C12orf42: variants seen among roughly 807,000 people sequenced by gnomAD.
C12orf42 encodes the protein uncharacterized protein C12orf42.
A neutral mutation model predicts 21.6 loss-of-function variants in C12orf42; 25 were observed. The observed-to-expected ratio is 1.16, with a 90% CI of 0.84 to 1.62. C12orf42 has a LOEUF of 1.62. Ranked by LOEUF, C12orf42 falls within the 40% of genes most tolerant of loss-of-function variation. The probability of loss-of-function intolerance (pLI) is 0.00; values close to 1 mark genes in which losing one functional copy is unlikely to be tolerated. For missense variants in C12orf42, 483 were observed against 459.3 expected, an observed-to-expected ratio of 1.05 and a Z score of -0.47; for synonymous variants, 174 against 175.0, an observed-to-expected ratio of 0.99 and a Z score of 0.05.
the C12orf42 span, among the ~76,000 whole-genome samples, chr12:103,104,855 C>T: frequency 6.6e-6 from 1 of 152,230 alleles, no homozygotes; most frequent in African/African-American, 2.4e-5. Context: ...TGCCCCACCA[C>T]ACAGGGAAGG....
intron 4 of C12orf42, among the ~76,000 whole-genome samples, chr12:103,316,392 A>G (rs1309797920): frequency 6.6e-6 from 1 of 152,152 alleles, no homozygotes. Flanking sequence ...ACTGTTTTAG[A>G]CACACACAAA....
chr12:103,107,944 A>G, the C12orf42 span, among the ~76,000 whole-genome samples: 1 of 151,620 alleles, frequency 6.6e-6, no homozygotes, highest in African/African-American at 2.4e-5. Context: ...TGATATTTTA[A>G]ACAACATAAT....
chr12:103,178,925 G>T, the C12orf42 span, among the ~76,000 whole-genome samples: 6 of 152,162 alleles, frequency 3.9e-5, no homozygotes, highest in African/African-American at 1.4e-4. Context: ...GACTCGCCGA[G>T]TGTTTTGATC....
the C12orf42 span, among the ~76,000 whole-genome samples, chr12:103,135,559 A>T: frequency 6.6e-6 from 1 of 152,202 alleles, no homozygotes; most frequent in Non-Finnish European, 1.5e-5. Context: ...GGAACAAAGG[A>T]GATACAAAAC....
chr12:103,120,815 T>C, the C12orf42 span, among the ~76,000 whole-genome samples: 1 of 150,082 alleles, frequency 6.7e-6, no homozygotes, highest in African/African-American at 2.4e-5. Context: ...ATAACATGTA[T>C]TATATACTAT....
chr12:103,050,523 T>G, the C12orf42 span, among the ~76,000 whole-genome samples: 24 of 152,142 alleles, frequency 1.6e-4, no homozygotes, highest in Middle Eastern at 6.8e-3. Context: ...AATGCAAGAG[T>G]AAATGTTCTT....
chr12:103,378,841 T>TA (rs2045925249), intron 3 of C12orf42: 1 of 151,818 alleles, frequency 6.6e-6, no homozygotes, highest in African/African-American at 2.4e-5. Context: ...AATGTTTAAG[T>TA]GAAAAAGCAA....
At chr12:103,320,350 C>A (rs759685007) in intron 4 of C12orf42, among the ~76,000 whole-genome samples, 1 of 152,200 alleles carries the variant, frequency 6.6e-6, no homozygotes, top group Non-Finnish European at 1.5e-5. Flanking sequence ...TAATTTCCCA[C>A]ACTGAGAAGA....
At chr12:103,282,441 C>T (rs922893663) in intron 4 of C12orf42, among the ~76,000 whole-genome samples, 1 of 152,166 alleles carries the variant, frequency 6.6e-6, no homozygotes, top group African/African-American at 2.4e-5. Flanking sequence ...AGATACAATA[C>T]TTACCGTTGT....
chr12:103,562,087 G>A, the C12orf42 span, among the ~76,000 whole-genome samples: 26 of 152,168 alleles, frequency 1.7e-4, no homozygotes, highest in Non-Finnish European at 2.6e-4. Context: ...GTCAGGGCTG[G>A]CAAAATCAAT....
intron 2 of C12orf42, among the ~76,000 whole-genome samples, chr12:103,408,478 A>C (rs1487996778): frequency 6.6e-6 from 1 of 152,228 alleles, no homozygotes; most frequent in Non-Finnish European, 1.5e-5. Flanking sequence ...CTCTTCAAGG[A>C]AAACAAAATC....
intron 2 of C12orf42, among the ~76,000 whole-genome samples, chr12:103,433,137 G>A (rs777976968): frequency 4.6e-5 from 7 of 152,070 alleles, no homozygotes; most frequent in South Asian, 2.1e-4. Flanking sequence ...ATACATTTGC[G>A]GTTGTGTCCG....
chr12:103,550,822 G>A, the C12orf42 span, among the ~76,000 whole-genome samples: 2 of 152,184 alleles, frequency 1.3e-5, no homozygotes, highest in East Asian at 3.9e-4. Context: ...CTATTAGGAT[G>A]TTGTTGCTTT....
chr12:103,507,443 G>T, the C12orf42 span, among the ~76,000 whole-genome samples: 1 of 144,536 alleles, frequency 6.9e-6, no homozygotes, highest in East Asian at 2.1e-4. Context: ...GCCAAGGCAG[G>T]AGGATGGCTT....
chr12:103,485,315 T>C (rs916719125), intron 1 of C12orf42, among the ~76,000 whole-genome samples: 1 of 152,244 alleles, frequency 6.6e-6, no homozygotes, highest in Non-Finnish European at 1.5e-5. Context: ...GCCGCTGTTC[T>C]GTTCCATTGG....
the C12orf42 span, among the ~76,000 whole-genome samples, chr12:103,064,381 GA>G: frequency 2.0e-5 from 3 of 152,226 alleles, no homozygotes; most frequent in African/African-American, 7.2e-5. Context: ...ATGGACAGCA[GA>G]GGCAAAGCAC....
the C12orf42 span, among the ~76,000 whole-genome samples, chr12:103,106,871 C>A: frequency 6.6e-6 from 1 of 151,826 alleles, no homozygotes; most frequent in African/African-American, 2.4e-5. Context: ...AATATAAAAT[C>A]TTGCTTAGAC....
intron 5 of C12orf42, 70 bp from the exon 6 acceptor site, chr12:103,302,629 G>A (rs2037825660): frequency 1.6e-6 from 2 of 1,286,076 alleles, no homozygotes; most frequent in Non-Finnish European, 2.1e-6. Flanking sequence ...GCACCCCCGC[G>A]ACAACTGGAC....
intron 2 of C12orf42, among the ~76,000 whole-genome samples, chr12:103,460,917 G>T (rs1952656567): frequency 6.6e-6 from 1 of 152,114 alleles, no homozygotes; most frequent in Admixed American, 6.5e-5. Flanking sequence ...GTGGGTCAGA[G>T]GCAAGTTAGG....
Sources: gnomAD v4.1 joint callset for allele counts (sites outside exome capture counted in the v4.1 genomes callset) on GRCh38, gnomAD v4.1.1 for gene constraint, MANE v1.5 for transcripts, NCBI Gene and HGNC (gene_info 2026-07-23, HGNC 2026-07-21) for gene names.